PGM1: variants seen among roughly 807,000 people sequenced by gnomAD.
PGM1 encodes the protein phosphoglucomutase 1.
In PGM1, 52 loss-of-function variants were observed where a neutral mutation model predicts 55.6. That is an observed-to-expected ratio of 0.94 (90% confidence interval 0.75 to 1.18). The LOEUF (loss-of-function observed/expected upper bound fraction) is 1.18. Ranked by LOEUF, PGM1 falls within the 50% of genes most tolerant of loss-of-function variation. The pLI is 0.00. For missense variants in PGM1, 724 were observed against 729.3 expected (o/e 0.99, Z 0.08); for synonymous variants, 287 against 271.7 (o/e 1.06, Z -0.55).
At chr1:63,619,042 C>T (rs1383660291) in intron 1 of PGM1, among the ~76,000 whole-genome samples, 1 of 152,154 alleles carries the variant, frequency 6.6e-6, no homozygotes, top group Non-Finnish European at 1.5e-5. Flanking sequence ...TATTCTCATG[C>T]CTCAACTGTT....
In PGM1 at chr1:63,638,789, G is replaced by T. The variant is rs1453289296; in HGVS notation, c.1133G>T (p.Ser378Ile). Residue 378 changes from serine (S) to isoleucine (I), a missense_variant, in exon 7 of 11, where the codon AGC (serine) becomes ATC (isoleucine). Coordinates refer to ENST00000371084, the MANE Select transcript of PGM1 (RefSeq NM_002633.3). The stretch of plus-strand genomic sequence containing the variant: ...AAACTGTCCCTTTGTGGGGAGGAGA[G>T]CTTCGGGACCGGTAAGTCACACTCC... The part of the protein sequence containing the change: ...ASKLSLCGEE[S>I]FGTGSDHIRE... The T allele has an allele frequency of 6.2e-7, 1 of 1,612,168 alleles. No individual in the cohort carries two copies. The highest frequency in any genetic ancestry group is 2.2e-5 in the East Asian group (1 of 44,882).
intron 1 of PGM1, among the ~76,000 whole-genome samples, chr1:63,595,087 A>C (rs1221442011): frequency 6.6e-6 from 1 of 152,056 alleles, no homozygotes; most frequent in East Asian, 1.9e-4. Flanking sequence ...GTGAGATTTG[A>C]CTTATGCCCA....
At chr1:63,602,665 G>A (rs855319) in intron 1 of PGM1, among the ~76,000 whole-genome samples, 57,090 of 151,980 alleles carry the variant, frequency 0.38, 10,947 homozygotes, top group East Asian at 0.48. Flanking sequence ...GTGTGAGTCC[G>A]GAGGGCTTAA....
chr1:63,625,249 G>T (rs943612972), intron 1 of PGM1, among the ~76,000 whole-genome samples: 7 of 152,160 alleles, frequency 4.6e-5, no homozygotes, highest in South Asian at 2.1e-4. Flanking sequence ...CCCTCTGAAG[G>T]TTTGCTAAAT....
rs1201640044 is a variant in PGM1, at chr1:63,631,691, A to G, written c.591A>G (p.Thr197=). The change falls in exon 4 of 11, where the codon ACA becomes ACG. Residue 197 remains threonine, a synonymous_variant. Coordinates refer to ENST00000371084, the MANE Select transcript of PGM1 (RefSeq NM_002633.3). ...EIVDSVEAYA[T]MLRSIFDFSA... Reference sequence around the variant, plus strand: ...TGGATTCGGTAGAAGCTTATGCTACAATGCTGAGAAGCATCTTTGATTTCA... The same window carrying G: ...TGGATTCGGTAGAAGCTTATGCTACGATGCTGAGAAGCATCTTTGATTTCA... 6.2e-7 allele frequency: 1 copy of G among 1,613,222 alleles called. No individual in the cohort carries two copies. The highest frequency in any genetic ancestry group is 2.2e-5 in the East Asian group (1 of 44,858).
intron 8 of PGM1, among the ~76,000 whole-genome samples, chr1:63,649,201 C>G (rs942764611): frequency 1.3e-5 from 2 of 152,166 alleles, no homozygotes; most frequent in African/African-American, 4.8e-5. Context: ...AATAGGTCCC[C>G]AAGGGCTATA....
chr1:63,655,602 G>A (rs1024392262), intron 10 of PGM1: 1 of 152,322 alleles, frequency 6.6e-6, no homozygotes, highest in Admixed American at 6.5e-5. Flanking sequence ...AAGCAGTGAA[G>A]GACAGGACAG....
Position 63,648,232 on chromosome 1 carries a change from A to G in PGM1, c.1145-285A>G, listed in dbSNP as rs1417170901. Reference sequence around the variant, plus strand: ...GCCTCAGGAAATGTACAATCATGGCAGAACAATGAAGAGGCAGCCGGCACC... The same window carrying G: ...GCCTCAGGAAATGTACAATCATGGCGGAACAATGAAGAGGCAGCCGGCACC... On this transcript the variant is annotated intron_variant, in intron 7 of 10. Transcript: ENST00000371084. 3.3e-5 allele frequency among the ~76,000 whole-genome samples: 5 copies of G among 152,330 alleles called. No homozygotes were observed. In the East Asian group the frequency reaches 5.8e-4, roughly 18 times the overall value.
In PGM1 at chr1:63,593,672, G is replaced by C. The variant is rs587777403; in HGVS notation, c.184G>C (p.Asp62His). The C allele has an allele frequency of 1.2e-6, 2 of 1,607,040 alleles. No homozygotes were observed. The highest frequency in any genetic ancestry group is 3.4e-5 in the Admixed American group (2 of 59,234). Residue 62 changes from aspartate to histidine, a missense_variant, in exon 1 of 11, where the codon GAC becomes CAC. This residue lies in a region of PGM1 where 379 missense variants were observed against 357.5 expected (regional missense o/e 1.06). Coordinates refer to ENST00000371084, the MANE Select transcript of PGM1 (RefSeq NM_002633.3). ...RQEATLVVGG[D>H]GRFYMKEAIQ... is the part of the protein sequence containing the mutation. ...GGAGGCCACGCTGGTGGTGGGCGGGGACGGCCGGTTCTACATGAAGGAGGC... is the reference window on the plus strand; with the variant it reads ...GGAGGCCACGCTGGTGGTGGGCGGGCACGGCCGGTTCTACATGAAGGAGGC...
intron 3 of PGM1, 105 bp from the exon 4 acceptor site, chr1:63,631,551 CT>C: frequency 2.9e-6 from 3 of 1,050,542 alleles, no homozygotes; most frequent in South Asian, 2.5e-5. Context: ...AATAATTGTC[CT>C]TTTAAAATAG....
At chr1:63,658,702 A>G (rs999556009) in intron 10 of PGM1, among the ~76,000 whole-genome samples, 2 of 151,918 alleles carry the variant, frequency 1.3e-5, no homozygotes, top group Non-Finnish European at 2.9e-5. Context: ...TGGTGAGCCA[A>G]GATCGCAGCA....
intron 1 of PGM1, among the ~76,000 whole-genome samples, chr1:63,629,055 G>T (rs1649115858): frequency 6.6e-6 from 1 of 152,086 alleles, no homozygotes; most frequent in Non-Finnish European, 1.5e-5. Context: ...AAGTATGATT[G>T]AATTGGATAA....
intron 10 of PGM1, among the ~76,000 whole-genome samples, chr1:63,658,877 A>G (rs1020440962): frequency 6.6e-6 from 1 of 152,238 alleles, no homozygotes; most frequent in Non-Finnish European, 1.5e-5. Flanking sequence ...TGGCTGGGGA[A>G]GCCTCACAAT....
At chr1:63,600,324 A>G (rs375429011) in intron 1 of PGM1, 25 of 152,306 alleles carry the variant, frequency 1.6e-4, no homozygotes, top group East Asian at 1.3e-3. Flanking sequence ...GAAATTTTGT[A>G]GAAGAAAAAG....
intron 1 of PGM1, among the ~76,000 whole-genome samples, chr1:63,611,281 G>GTGTAGAC (rs1179516604): frequency 5.3e-5 from 8 of 152,116 alleles, no homozygotes; most frequent in African/African-American, 1.9e-4. Flanking sequence ...CCAGGAAAAA[G>GTGTAGAC]TGTAGACATG....
At chr1:63,655,291 G>A (rs1429944633) in intron 10 of PGM1, among the ~76,000 whole-genome samples, 2 of 152,118 alleles carry the variant, frequency 1.3e-5, no homozygotes, top group African/African-American at 4.8e-5. Context: ...AGGATAATTG[G>A]TCTTTAAATC....
intron 1 of PGM1, among the ~76,000 whole-genome samples, chr1:63,617,709 C>T (rs1257463432): frequency 8.9e-6 from 1 of 112,272 alleles, no homozygotes; most frequent in Non-Finnish European, 1.6e-5. Context: ...GCCTGGGAGA[C>T]AGAGTGACTC....
At chr1:63,653,346 A>G (rs904139768) in intron 9 of PGM1, among the ~76,000 whole-genome samples, 1 of 152,224 alleles carries the variant, frequency 6.6e-6, no homozygotes. Context: ...AAAGCAAGAA[A>G]TGGTCAGTGA....
chr1:63,621,508 C>T (rs1380697443), intron 1 of PGM1, among the ~76,000 whole-genome samples: 3 of 152,092 alleles, frequency 2.0e-5, no homozygotes, highest in Non-Finnish European at 2.9e-5. Flanking sequence ...ACACACATGC[C>T]AGCCTAATTC....
Sources: allele counts gnomAD v4.1 joint callset (sites outside exome capture counted in the v4.1 genomes callset), GRCh38; gene constraint gnomAD v4.1.1; regional missense constraint gnomAD v4.1.1; transcripts MANE v1.5; gene names NCBI Gene and HGNC (gene_info 2026-07-23, HGNC 2026-07-21).